The following DNAJC1 variants were observed in gnomAD, a reference collection of about 807,000 sequenced individuals.
DNAJC1 encodes the protein DnaJ heat shock protein family (Hsp40) member C1, also known as dnaJ homolog subfamily C member 1.
A neutral mutation model predicts 76.6 loss-of-function variants in DNAJC1; 58 were observed. The observed-to-expected ratio is 0.76, with a 90% CI of 0.61 to 0.94. The LOEUF is 0.94. DNAJC1 is among the 40% of genes least tolerant of loss of function. The pLI is 0.00. For missense variants in DNAJC1, 689 were observed against 677.3 expected, an observed-to-expected ratio of 1.02 and a Z score of -0.19; for synonymous variants, 258 against 267.9, an observed-to-expected ratio of 0.96 and a Z score of 0.36.
intron 7 of DNAJC1, among the ~76,000 whole-genome samples, chr10:21,901,959 A>C (rs554836374): frequency 6.6e-6 from 1 of 152,334 alleles, no homozygotes; most frequent in East Asian, 1.9e-4. Context: ...AAGTTAATAA[A>C]ATTAATTAAA....
chr10:21,803,605 G>GTGTC (rs1834840875), intron 9 of DNAJC1, among the ~76,000 whole-genome samples: 1 of 151,014 alleles, frequency 6.6e-6, no homozygotes, highest in Non-Finnish European at 1.5e-5. Context: ...GTGTGTGTGT[G>GTGTC]TGTGTGTGTG....
At chr10:22,002,242 C>G (rs1228596243) in intron 1 of DNAJC1, among the ~76,000 whole-genome samples, 1 of 152,150 alleles carries the variant, frequency 6.6e-6, no homozygotes, top group East Asian at 1.9e-4. Context: ...ACTCCCATAA[C>G]TATTCAAAGC....
intron 8 of DNAJC1, among the ~76,000 whole-genome samples, chr10:21,819,258 G>A (rs1835119628): frequency 6.6e-6 from 1 of 152,016 alleles, no homozygotes; most frequent in Admixed American, 6.5e-5. Flanking sequence ...AAAATTAGCT[G>A]GGCATGGTGG....
At chr10:21,777,749 T>C (rs1466623414) in intron 9 of DNAJC1, among the ~76,000 whole-genome samples, 1 of 152,264 alleles carries the variant, frequency 6.6e-6, no homozygotes, top group Non-Finnish European at 1.5e-5. Context: ...TGACATTAAC[T>C]AGTTTTTGGG....
chr10:21,797,281 C>G (rs552461388), intron 9 of DNAJC1, among the ~76,000 whole-genome samples: 34 of 152,212 alleles, frequency 2.2e-4, no homozygotes, highest in African/African-American at 7.9e-4. Context: ...TTTCTGGGTT[C>G]TCTTTCCTGT....
intron 9 of DNAJC1, among the ~76,000 whole-genome samples, chr10:21,770,178 T>C (rs1186062629): frequency 1.3e-5 from 2 of 152,142 alleles, no homozygotes; most frequent in African/African-American, 4.8e-5. Context: ...CCACCTGCAC[T>C]AGTCCTTCAT....
intron 8 of DNAJC1, among the ~76,000 whole-genome samples, chr10:21,881,532 T>A (rs1242713052): frequency 6.6e-6 from 1 of 151,612 alleles, no homozygotes. Context: ...CCTTAGGGAG[T>A]AGGGAGACCA....
intron 1 of DNAJC1, among the ~76,000 whole-genome samples, chr10:21,974,782 A>G (rs1838035677): frequency 1.3e-5 from 2 of 152,184 alleles, no homozygotes; most frequent in Admixed American, 6.6e-5. Flanking sequence ...TGTTACTTAC[A>G]TATTCATTAA....
intron 1 of DNAJC1, among the ~76,000 whole-genome samples, chr10:21,939,615 G>A (rs908571708): frequency 6.6e-6 from 1 of 152,094 alleles, no homozygotes; most frequent in Admixed American, 6.5e-5. Flanking sequence ...GTACAAGTCT[G>A]TAGCCTAGGA....
chr10:21,977,624 A>T (rs1054937913), intron 1 of DNAJC1, among the ~76,000 whole-genome samples: 4 of 152,192 alleles, frequency 2.6e-5, no homozygotes, highest in South Asian at 2.1e-4. Flanking sequence ...ACCAAAATAT[A>T]CATGCCCAGG....
chr10:21,863,535 T>A (rs1044319477), intron 8 of DNAJC1, among the ~76,000 whole-genome samples: 5 of 151,770 alleles, frequency 3.3e-5, no homozygotes, highest in African/African-American at 1.2e-4. Flanking sequence ...ATAAAAAAAA[T>A]AGACAAAAAT....
At chr10:21,862,108 G>T (rs1410134536) in intron 8 of DNAJC1, among the ~76,000 whole-genome samples, 1 of 151,944 alleles carries the variant, frequency 6.6e-6, no homozygotes, top group Admixed American at 6.6e-5. Flanking sequence ...AGTAGAGACG[G>T]GGTTTCTCCT....
intron 1 of DNAJC1, among the ~76,000 whole-genome samples, chr10:21,997,380 C>T (rs1838433509): frequency 6.6e-6 from 1 of 152,210 alleles, no homozygotes; most frequent in Non-Finnish European, 1.5e-5. Flanking sequence ...TTTGTGCCCT[C>T]TCCTCTACAT....
chr10:21,910,332 C>A (rs767389019), intron 6 of DNAJC1, among the ~76,000 whole-genome samples: 1 of 152,128 alleles, frequency 6.6e-6, no homozygotes, highest in Non-Finnish European at 1.5e-5. Context: ...CCAGGCTGGT[C>A]TCGAACTCTT....
intron 9 of DNAJC1, among the ~76,000 whole-genome samples, chr10:21,778,408 T>A (rs989298085): frequency 6.6e-6 from 1 of 152,208 alleles, no homozygotes; most frequent in Non-Finnish European, 1.5e-5. Context: ...GGTCACTGGA[T>A]GTCACATTAC....
chr10:21,917,174 C>A (rs1241181861), intron 6 of DNAJC1, among the ~76,000 whole-genome samples: 5 of 151,860 alleles, frequency 3.3e-5, no homozygotes, highest in African/African-American at 1.2e-4. Context: ...TGTAAAATTC[C>A]TCATTTTTGT....
intron 8 of DNAJC1, among the ~76,000 whole-genome samples, chr10:21,860,184 C>T (rs1835898655): frequency 6.6e-6 from 1 of 150,840 alleles, no homozygotes; most frequent in Non-Finnish European, 1.5e-5. Flanking sequence ...AAAAAAAAAC[C>T]TTAAGCAAAC....
At chr10:21,814,082 T>G (rs1296581524) in intron 8 of DNAJC1, among the ~76,000 whole-genome samples, 1 of 152,210 alleles carries the variant, frequency 6.6e-6, no homozygotes, top group Non-Finnish European at 1.5e-5. Context: ...TCACAGACTC[T>G]TCCTCTTTCT....
At chr10:21,851,534 G>T (rs981822004) in intron 8 of DNAJC1, among the ~76,000 whole-genome samples, 2 of 152,198 alleles carry the variant, frequency 1.3e-5, no homozygotes, top group Non-Finnish European at 2.9e-5. Context: ...TATATTGCTA[G>T]TGAGAATGTA....
Sources: gnomAD v4.1 joint callset for allele counts (sites outside exome capture counted in the v4.1 genomes callset) on GRCh38, gnomAD v4.1.1 for gene constraint, MANE v1.5 for transcripts, NCBI Gene and HGNC (gene_info 2026-07-23, HGNC 2026-07-21) for gene names.